The following PLEKHG7 variants were observed in gnomAD, a reference collection of about 807,000 sequenced individuals.
The protein encoded by PLEKHG7 is pleckstrin homology domain-containing family G member 7.
In PLEKHG7, 77 loss-of-function variants were observed where a neutral mutation model predicts 85.2. That is an observed-to-expected ratio of 0.90 (90% CI 0.75 to 1.09). The LOEUF (loss-of-function observed/expected upper bound fraction) is 1.09. Ranked by LOEUF, PLEKHG7 falls within the 50% of genes least tolerant of loss-of-function variation. The probability of loss-of-function intolerance (pLI) is 0.00; values close to 1 mark genes in which losing one functional copy is unlikely to be tolerated. For missense variants in PLEKHG7, 777 were observed against 804.3 expected, an observed-to-expected ratio of 0.97 and a Z score of 0.41; for synonymous variants, 301 against 302.4, an observed-to-expected ratio of 1.00 and a Z score of 0.05.
At chr12:92,718,190 G>C (rs191442616) in intron 3 of PLEKHG7, among the ~76,000 whole-genome samples, 1 of 152,294 alleles carries the variant, frequency 6.6e-6, no homozygotes, top group Non-Finnish European at 1.5e-5. Context: ...AAGGCTTGTT[G>C]GACAGGATTC....
chr12:92,734,598 G>A (rs996176853), intron 5 of PLEKHG7, among the ~76,000 whole-genome samples: 32 of 152,166 alleles, frequency 2.1e-4, no homozygotes, highest in Non-Finnish European at 1.8e-4. Flanking sequence ...GTCTGGCTTT[G>A]AGTCTGTTCT....
rs139379974 is a variant in PLEKHG7, at chr12:92,754,015, C to T, written c.1252-75C>T. ...GTTACTGAGTAAAATCTCCAAGAAC[C>T]TCTCATATCCAGGCTTCTTAGTGGC... On this transcript the variant is annotated intron_variant, in intron 10 of 16. Transcript: ENST00000344636. 143 of 1,461,238 alleles carry T rather than the reference C, an allele frequency of 9.8e-5. No individual in the cohort carries two copies. In the African/African-American group the frequency reaches 1.8e-3, roughly 18 times the overall value. 90.5% of individuals were successfully genotyped at this position (1,461,238 alleles called of 1,614,324 possible).
At chr12:92,724,759 T>C (rs10859371) in intron 3 of PLEKHG7, among the ~76,000 whole-genome samples, 80,424 of 151,994 alleles carry the variant, frequency 0.53, 22,187 homozygotes, top group East Asian at 0.89. Flanking sequence ...AGGATTCACA[T>C]GCTTGAGCCT....
chr12:92,750,938 G>A (rs1197581889), intron 10 of PLEKHG7, among the ~76,000 whole-genome samples: 3 of 127,904 alleles, frequency 2.3e-5, no homozygotes, highest in South Asian at 3.0e-4. Flanking sequence ...GACCTACCCT[G>A]TCTCAATAAA....
At chr12:92,764,234 A>T in intron 15 of PLEKHG7, 40 bp downstream of exon 15, 1 of 1,546,308 alleles carries the variant, frequency 6.5e-7, no homozygotes, top group Non-Finnish European at 8.8e-7. Context: ...TCTGTTTGCC[A>T]TCACAGAGTT....
At chr12:92,769,509 CCT>C (rs1348134363) in intron 16 of PLEKHG7, among the ~76,000 whole-genome samples, 3 of 152,112 alleles carry the variant, frequency 2.0e-5, no homozygotes, top group Non-Finnish European at 1.5e-5. Context: ...AATAATGATC[CCT>C]GTCAAGTCAG....
intron 10 of PLEKHG7, among the ~76,000 whole-genome samples, chr12:92,746,918 A>G (rs980015272): frequency 2.6e-5 from 4 of 152,386 alleles, no homozygotes; most frequent in African/African-American, 9.6e-5. Flanking sequence ...GCCTGAAACT[A>G]TAAAACTGGT....
At position 92,754,226 on chromosome 12, in the gene PLEKHG7, T is replaced by C. The variant is rs758171271; in HGVS notation, c.1388T>C (p.Met463Thr). 1.2e-6 allele frequency: 2 copies of C among 1,614,038 alleles called. No homozygotes were observed. Among genetic ancestry groups the C allele is most frequent in the South Asian group, 2.2e-5 (2 of 91,078 alleles). ...KRSMDSAEKI[M>T]IYSIKEKVEK... The stretch of plus-strand genomic sequence containing the variant: ...AGCATGGACTCTGCTGAGAAAATCA[T>C]GATCTACTCCATCAAGGAAAAGGTG... The change falls in exon 11 of 17, where the codon ATG becomes ACG. Residue 463 changes from methionine (M) to threonine (T), a missense_variant. Around this residue, in one of 3 missense-constraint regions of PLEKHG7, gnomAD observed 520 missense variants for 544.0 expected, o/e 0.96. Coordinates refer to ENST00000344636, the MANE Select transcript of PLEKHG7 (RefSeq NM_001377329.1).
At chr12:92,761,709 A>C in intron 13 of PLEKHG7, 43 bp from the exon 14 acceptor site, 1 of 1,515,310 alleles carries the variant, frequency 6.6e-7, no homozygotes, top group Non-Finnish European at 8.8e-7. Context: ...TCTTCTACTT[A>C]ACAGTTTCAG....
intron 11 of PLEKHG7, among the ~76,000 whole-genome samples, chr12:92,754,741 T>C (rs185948006): frequency 6.9e-4 from 105 of 152,314 alleles, no homozygotes; most frequent in African/African-American, 2.4e-3. Context: ...GGATGGGAAC[T>C]GAGCAGGCCC....
intron 15 of PLEKHG7, 46 bp downstream of exon 15, chr12:92,764,240 G>A (rs780627669): frequency 6.5e-7 from 1 of 1,533,796 alleles, no homozygotes; most frequent in Non-Finnish European, 8.8e-7. Context: ...TGCCATCACA[G>A]AGTTTTATAT....
rs759571917 is a variant in PLEKHG7, at chr12:92,754,140, AG to A, written c.1303del (p.Val435TrpfsTer14). On this transcript the variant is annotated frameshift_variant, in exon 11 of 17. Transcript: ENST00000344636. LOFTEE classifies it high-confidence loss of function. ...CRRLHVPELL[V>X]APLQRLTRYP... The stretch of plus-strand genomic sequence containing the variant: ...GACGGCTCCACGTGCCAGAGCTGCT[AG>A]TGGCCCCACTACAGAGGCTCACTCG... 3.3e-5 allele frequency: 53 copies of A among 1,614,030 alleles called. 1 individual carries two copies. The South Asian group carries it at 5.4e-4, about 16-fold the overall frequency.
At chr12:92,703,928 A>G (rs1182438697) in intron 1 of PLEKHG7, among the ~76,000 whole-genome samples, 1 of 152,262 alleles carries the variant, frequency 6.6e-6, no homozygotes, top group Non-Finnish European at 1.5e-5. Flanking sequence ...GGAAAAGGCC[A>G]GAAGGACAGA....
chr12:92,707,362 C>T, intron 2 of PLEKHG7: 1 of 1,429,074 alleles, frequency 7.0e-7, no homozygotes, highest in Admixed American at 2.9e-5. Flanking sequence ...TTCTTCTGTC[C>T]TTAGAGGCAC....
intron 15 of PLEKHG7, among the ~76,000 whole-genome samples, chr12:92,766,927 C>T (rs114962122): frequency 0.018 from 2,683 of 152,246 alleles, 68 homozygotes; most frequent in African/African-American, 0.062. Context: ...TCTCATTCCT[C>T]GGGCCTATTA....
chr12:92,760,610 A>G (rs1188681604), intron 13 of PLEKHG7, among the ~76,000 whole-genome samples: 1 of 152,176 alleles, frequency 6.6e-6, no homozygotes, highest in Non-Finnish European at 1.5e-5. Flanking sequence ...CTCCCTCTAA[A>G]AACCTTTTCC....
chr12:92,709,364 G>A (rs1260951596), intron 3 of PLEKHG7, among the ~76,000 whole-genome samples: 1 of 152,198 alleles, frequency 6.6e-6, no homozygotes, highest in African/African-American at 2.4e-5. Flanking sequence ...GGGTAACCAA[G>A]GTGTCCATTC....
At chr12:92,764,487 TAAC>T (rs990954351) in intron 15 of PLEKHG7, among the ~76,000 whole-genome samples, 1 of 152,148 alleles carries the variant, frequency 6.6e-6, no homozygotes, top group African/African-American at 2.4e-5. Flanking sequence ...GAAAATTAAA[TAAC>T]AAATGTGATG....
At chr12:92,709,967 G>A (rs765456847) in intron 3 of PLEKHG7, among the ~76,000 whole-genome samples, 1 of 152,194 alleles carries the variant, frequency 6.6e-6, no homozygotes, top group Non-Finnish European at 1.5e-5. Context: ...GGTAGGAGGA[G>A]CCCAAAGTGT....
Sources: gnomAD v4.1 joint callset for allele counts (sites outside exome capture counted in the v4.1 genomes callset) on GRCh38, gnomAD v4.1.1 for gene constraint, gnomAD v4.1.1 regional missense constraint, MANE v1.5 for transcripts, NCBI Gene and HGNC (gene_info 2026-07-23, HGNC 2026-07-21) for gene names.